RUNX2: variants seen among roughly 807,000 people sequenced by gnomAD.
The protein encoded by RUNX2 is runt-related transcription factor 2.
In RUNX2, 10 loss-of-function variants were observed where a neutral mutation model predicts 51.7. The ratio of observed to expected loss-of-function variants is 0.19; its 90% confidence interval spans 0.12 to 0.33. The LOEUF is 0.33. Among genes scored for constraint, RUNX2 ranks in the 10% least tolerant of loss-of-function variants. RUNX2 has a pLI of 1.00. For missense variants in RUNX2, 562 were observed against 691.3 expected (o/e 0.81, Z 2.10); for synonymous variants, 276 against 273.6 (o/e 1.01, Z -0.09).
intron 5 of RUNX2, among the ~76,000 whole-genome samples, chr6:45,488,318 G>A (rs1800344316): frequency 6.6e-6 from 1 of 152,148 alleles, no homozygotes; most frequent in African/African-American, 2.4e-5. Flanking sequence ...GACTATTAGA[G>A]AGAAATAGGA....
intron 2 of RUNX2, among the ~76,000 whole-genome samples, chr6:45,362,465 T>C (rs2066179461): frequency 6.6e-6 from 1 of 152,196 alleles, no homozygotes; most frequent in Admixed American, 6.5e-5. Flanking sequence ...AAGTCCACAC[T>C]TTCTCATTTG....
intron 2 of RUNX2, among the ~76,000 whole-genome samples, chr6:45,403,423 G>A (rs764596915): frequency 1.6e-4 from 24 of 151,954 alleles, no homozygotes; most frequent in Non-Finnish European, 2.4e-4. Flanking sequence ...AGTAGAGACC[G>A]GGTTTCTCCA....
chr6:45,420,641 A>T (rs899866176), intron 2 of RUNX2, among the ~76,000 whole-genome samples: 7 of 152,142 alleles, frequency 4.6e-5, no homozygotes, highest in Admixed American at 6.5e-5. Flanking sequence ...TTTTTTTCGC[A>T]AACACGTTTT....
intron 5 of RUNX2, among the ~76,000 whole-genome samples, chr6:45,441,489 T>A (rs1798841152): frequency 1.3e-5 from 2 of 152,238 alleles, no homozygotes; most frequent in Admixed American, 1.3e-4. Context: ...ATGTTAAATA[T>A]TGTAATGTAT....
At chr6:45,390,360 C>T (rs956862318) in intron 2 of RUNX2, among the ~76,000 whole-genome samples, 1 of 152,200 alleles carries the variant, frequency 6.6e-6, no homozygotes, top group African/African-American at 2.4e-5. Context: ...AGGTTCAGGC[C>T]GTCTTCCTTG....
In RUNX2 at chr6:45,395,417, C is replaced by T. The variant is rs9472483; in HGVS notation, c.59-27176C>T. On this transcript the variant is annotated intron_variant, in intron 2 of 8. Transcript: ENST00000647337. Reference sequence around the variant, plus strand: ...ATGCTCAAATCTGGTTCTTAAACCTCCTAGGTGTTAGGTTATTTTAGTTGA... The same window carrying T: ...ATGCTCAAATCTGGTTCTTAAACCTTCTAGGTGTTAGGTTATTTTAGTTGA... Among the ~76,000 whole-genome samples the T allele has an allele frequency of 6.5e-3, 996 of 152,228 alleles. 16 individuals carry two copies. Among genetic ancestry groups the T allele is most frequent in the African/African-American group, 0.021 (868 of 41,534 alleles).
At chr6:45,486,483 T>C (rs1322698356) in intron 5 of RUNX2, among the ~76,000 whole-genome samples, 1 of 152,208 alleles carries the variant, frequency 6.6e-6, no homozygotes, top group Non-Finnish European at 1.5e-5. Flanking sequence ...TTAAAAATTA[T>C]GTTTTCATGA....
At chr6:45,440,552 C>G (rs1019389652) in intron 5 of RUNX2, among the ~76,000 whole-genome samples, 15 of 152,118 alleles carry the variant, frequency 9.9e-5, no homozygotes. Context: ...CATTGTAGCT[C>G]AAAAGCAGCA....
chr6:45,500,495 G>A (rs1201937119), intron 6 of RUNX2, among the ~76,000 whole-genome samples: 1 of 152,206 alleles, frequency 6.6e-6, no homozygotes, highest in Non-Finnish European at 1.5e-5. Context: ...TCCATATAGA[G>A]AATATGAAAA....
chr6:45,505,197 A>T (rs1332030761), intron 6 of RUNX2, among the ~76,000 whole-genome samples: 1 of 152,158 alleles, frequency 6.6e-6, no homozygotes, highest in Admixed American at 6.5e-5. Context: ...GTTTAACCAA[A>T]GTGTTTACAA....
chr6:45,346,630 C>T (rs555034222), intron 2 of RUNX2, among the ~76,000 whole-genome samples: 2 of 148,400 alleles, frequency 1.3e-5, no homozygotes, highest in South Asian at 2.1e-4. Context: ...TGCAGTGGTG[C>T]GATCTCGGCT....
chr6:45,486,825 A>T (rs1400498506), intron 5 of RUNX2, among the ~76,000 whole-genome samples: 1 of 152,182 alleles, frequency 6.6e-6, no homozygotes, highest in Non-Finnish European at 1.5e-5. Flanking sequence ...AAATGGGCAA[A>T]ATGGGTCACA....
intron 2 of RUNX2, among the ~76,000 whole-genome samples, chr6:45,379,219 G>A (rs1335127782): frequency 2.0e-5 from 3 of 152,198 alleles, no homozygotes; most frequent in South Asian, 4.1e-4. Flanking sequence ...GGATGTGAGA[G>A]CTCAGCTTGA....
At chr6:45,406,282 A>G (rs910913448) in intron 2 of RUNX2, among the ~76,000 whole-genome samples, 1 of 152,198 alleles carries the variant, frequency 6.6e-6, no homozygotes, top group African/African-American at 2.4e-5. Flanking sequence ...ACTACAGTAG[A>G]AATTATCATG....
intron 5 of RUNX2, among the ~76,000 whole-genome samples, chr6:45,459,245 C>T (rs1233469523): frequency 6.6e-6 from 1 of 152,186 alleles, no homozygotes; most frequent in East Asian, 1.9e-4. Context: ...GTATCAAAAA[C>T]CGTATTCCCA....
chr6:45,348,984 A>T (rs10498759), intron 2 of RUNX2, among the ~76,000 whole-genome samples: 22,113 of 152,072 alleles, frequency 0.15, 2,119 homozygotes, highest in African/African-American at 0.27. Context: ...GGCACACCAC[A>T]TGTACTTAGT....
rs190757416 is a variant in RUNX2, at chr6:45,391,186, A to G, written c.59-31407A>G. Reference sequence around the variant, plus strand: ...ATTTCATTTTGAAATGTGATTCCCAAAGTTGGAGCTGGGGCCTGGTTGAAG... The same window carrying G: ...ATTTCATTTTGAAATGTGATTCCCAGAGTTGGAGCTGGGGCCTGGTTGAAG... On this transcript the variant is annotated intron_variant, in intron 2 of 8. Transcript: ENST00000647337. Among the ~76,000 whole-genome samples the G allele has an allele frequency of 7.5e-3, 1,142 of 152,274 alleles. 9 individuals carry two copies. The highest frequency in any genetic ancestry group is 0.012 in the Non-Finnish European group (802 of 68,014).
chr6:45,367,290 C>T (rs1795295229), intron 2 of RUNX2, among the ~76,000 whole-genome samples: 1 of 152,102 alleles, frequency 6.6e-6, no homozygotes, highest in African/African-American at 2.4e-5. Context: ...TCCACTTAAA[C>T]TGAGCCCGAA....
At chr6:45,393,035 G>A (rs1294510721) in intron 2 of RUNX2, among the ~76,000 whole-genome samples, 2 of 151,940 alleles carry the variant, frequency 1.3e-5, no homozygotes, top group East Asian at 1.9e-4. Context: ...TTGACTTCTA[G>A]TATTTCCTTT....
Sources: allele counts gnomAD v4.1 joint callset (sites outside exome capture counted in the v4.1 genomes callset), GRCh38; gene constraint gnomAD v4.1.1; transcripts MANE v1.5; gene names NCBI Gene and HGNC (gene_info 2026-07-23, HGNC 2026-07-21).